TP63: variants seen among roughly 807,000 people sequenced by gnomAD.
TP63 encodes the protein tumor protein p63.
TP63 carries 17 observed loss-of-function variants against 82.8 expected under a neutral mutation model. The ratio of observed to expected loss-of-function variants is 0.21; its 90% CI spans 0.14 to 0.31. TP63 has a LOEUF of 0.31. Ranked by LOEUF, TP63 falls within the 10% of genes least tolerant of loss-of-function variation. The pLI, the probability that TP63 is intolerant of heterozygous loss-of-function variation, is 1.00. For synonymous variants in TP63, 330 were observed against 321.7 expected, an observed-to-expected ratio of 1.03 and a Z score of -0.28; for missense variants, 648 against 895.3, an observed-to-expected ratio of 0.72 and a Z score of 3.52.
intron 4 of TP63, among the ~76,000 whole-genome samples, chr3:189,823,646 G>C (rs760340058): frequency 1.3e-5 from 2 of 152,160 alleles, no homozygotes; most frequent in Non-Finnish European, 2.9e-5. Flanking sequence ...TACTAGAGCA[G>C]GTCTGTCCTA....
Position 189,894,542 on chromosome 3 carries a change from C to G in TP63, c.*40C>G. On this transcript the variant is annotated 3_prime_UTR_variant, in exon 14 of 14. Coordinates refer to ENST00000264731, the MANE Select transcript of TP63 (RefSeq NM_003722.5). ...GCTCTTCCTATCCCTCTCCTAACTG[C>G]CAGCCCCCTAAAAGCACTCCTGCTT... 6.2e-7 allele frequency: 1 copy of G among 1,608,258 alleles called. No individual in the cohort carries two copies. The highest frequency in any genetic ancestry group is 8.5e-7 in the Non-Finnish European group (1 of 1,178,902).
At chr3:189,766,500 T>C (rs62279932) in intron 3 of TP63, among the ~76,000 whole-genome samples, 15,065 of 151,956 alleles carry the variant, frequency 0.099, 790 homozygotes, top group African/African-American at 0.12. Context: ...CTGTCTGGAG[T>C]TGGTGAAAGG....
chr3:189,861,142 C>CCT (rs138201780), intron 4 of TP63, among the ~76,000 whole-genome samples: 21,245 of 152,038 alleles, frequency 0.14, 1,834 homozygotes, highest in South Asian at 0.22. Flanking sequence ...GTCTTGAGCT[C>CCT]CTGCCTGCCT....
intron 1 of TP63, among the ~76,000 whole-genome samples, chr3:189,695,573 G>A (rs918095890): frequency 1.3e-5 from 2 of 152,122 alleles, no homozygotes; most frequent in African/African-American, 4.8e-5. Flanking sequence ...ACAGAGCAAG[G>A]AAATATATGG....
chr3:189,734,023 C>CTTTCTTTCT (rs902877841), intron 1 of TP63, among the ~76,000 whole-genome samples: 9 of 151,770 alleles, frequency 5.9e-5, no homozygotes, highest in Non-Finnish European at 1.2e-4. Context: ...AGTTTTCTTC[C>CTTTCTTTCT]TTTCTTTCTT....
intron 3 of TP63, among the ~76,000 whole-genome samples, chr3:189,791,324 AG>A: frequency 6.6e-6 from 1 of 152,270 alleles, no homozygotes; most frequent in South Asian, 2.1e-4. Context: ...GTGAAGCACA[AG>A]GTTGATGTAA....
At chr3:189,730,034 T>C (rs980878335) in intron 1 of TP63, among the ~76,000 whole-genome samples, 1 of 152,198 alleles carries the variant, frequency 6.6e-6, no homozygotes, top group African/African-American at 2.4e-5. Context: ...CTTCTGAAGC[T>C]AACCCGAAGA....
chr3:189,887,931 A>C (rs1373838795), intron 11 of TP63, among the ~76,000 whole-genome samples: 2 of 147,998 alleles, frequency 1.4e-5, no homozygotes, highest in Non-Finnish European at 3.0e-5. Context: ...ATCTCGGCTC[A>C]CTGTAATCTC....
intron 3 of TP63, among the ~76,000 whole-genome samples, chr3:189,796,496 C>T (rs1213458775): frequency 1.3e-5 from 2 of 152,030 alleles, no homozygotes; most frequent in Admixed American, 1.3e-4. Flanking sequence ...GAGAACTGGG[C>T]TTCAAGATAA....
chr3:189,822,720 A>C (rs754307835), intron 4 of TP63, among the ~76,000 whole-genome samples: 1 of 152,174 alleles, frequency 6.6e-6, no homozygotes, highest in African/African-American at 2.4e-5. Context: ...GCCTTAGCCC[A>C]AAATGACTCG....
rs868278992 is a variant in TP63, at chr3:189,894,265, G to A, written c.1806G>A (p.Leu602=). ...GACATGCGATCTGGAAGGGCATCCTGGACCACCGGCAGCTCCACGAATTCT... is the reference window on the plus strand; with the variant it reads ...GACATGCGATCTGGAAGGGCATCCTAGACCACCGGCAGCTCCACGAATTCT... ...QFRHAIWKGI[L]DHRQLHEFSS... Residue 602 remains leucine, a synonymous_variant, in exon 14 of 14, where the codon CTG becomes CTA. Coordinates refer to ENST00000264731, the MANE Select transcript of TP63 (RefSeq NM_003722.5). 6.2e-7 allele frequency: 1 copy of A among 1,613,850 alleles called. No homozygotes were observed.
intron 1 of TP63, among the ~76,000 whole-genome samples, chr3:189,696,549 T>C (rs1463347000): frequency 6.6e-6 from 1 of 152,176 alleles, no homozygotes; most frequent in African/African-American, 2.4e-5. Flanking sequence ...TTAAATCAGT[T>C]GGGTAAATAT....
intron 4 of TP63, among the ~76,000 whole-genome samples, chr3:189,811,853 G>T (rs1727603199): frequency 6.6e-6 from 1 of 152,178 alleles, no homozygotes; most frequent in African/African-American, 2.4e-5. Flanking sequence ...ACCAGGGAGG[G>T]GCATACAGGA....
chr3:189,678,218 G>T (rs1347196553), intron 1 of TP63, among the ~76,000 whole-genome samples: 1 of 152,000 alleles, frequency 6.6e-6, no homozygotes, highest in South Asian at 2.1e-4. Flanking sequence ...TATTTCTACA[G>T]TTTAAGGTTT....
intron 10 of TP63, among the ~76,000 whole-genome samples, chr3:189,883,156 C>T (rs1159002672): frequency 2.0e-5 from 3 of 150,466 alleles, no homozygotes; most frequent in Non-Finnish European, 3.0e-5. Flanking sequence ...GAATATTTCA[C>T]TTAAGAACTA....
chr3:189,840,806 G>A (rs1238325694), intron 4 of TP63, among the ~76,000 whole-genome samples: 16 of 142,952 alleles, frequency 1.1e-4, no homozygotes, highest in East Asian at 4.2e-4. Flanking sequence ...GCAGTGAGCC[G>A]AGATCATGCC....
chr3:189,838,392 T>C (rs188324547), intron 4 of TP63, among the ~76,000 whole-genome samples: 24 of 152,336 alleles, frequency 1.6e-4, no homozygotes, highest in Admixed American at 1.3e-3. Flanking sequence ...GACAGTTGTG[T>C]TACATTCTTT....
rs1717408200 is a variant in TP63 at position 189,864,223 on chromosome 3, T to C, written c.580-9T>C. On this transcript the variant is annotated splice_polypyrimidine_tract_variant and intron_variant, in intron 4 of 13. Coordinates refer to ENST00000264731, the MANE Select transcript of TP63 (RefSeq NM_003722.5). ...CCTTCCTTTCTCCACTGGCCCCAAC[T>C]CTAAGCAGTATTCCACTGAACTGAA... The C allele has an allele frequency of 1.2e-6, 2 of 1,614,000 alleles. No homozygotes were observed. Among genetic ancestry groups the C allele is most frequent in the African/African-American group, 2.7e-5 (2 of 74,922 alleles).
intron 1 of TP63, among the ~76,000 whole-genome samples, chr3:189,680,445 A>G (rs1399851845): frequency 6.6e-6 from 1 of 152,208 alleles, no homozygotes; most frequent in Non-Finnish European, 1.5e-5. Context: ...TTAGGAGACC[A>G]GCATTCCACT....
Sources: gnomAD v4.1 joint callset for allele counts (sites outside exome capture counted in the v4.1 genomes callset) on GRCh38, gnomAD v4.1.1 for gene constraint, MANE v1.5 for transcripts, NCBI Gene and HGNC (gene_info 2026-07-23, HGNC 2026-07-21) for gene names.